EPM2A: variants seen among roughly 807,000 people sequenced by gnomAD.
EPM2A encodes the protein EPM2A glucan phosphatase, laforin.
In EPM2A, 21 loss-of-function variants were observed where a neutral mutation model predicts 26.5. The ratio of observed to expected loss-of-function variants is 0.79; its 90% CI spans 0.56 to 1.14. EPM2A has a LOEUF of 1.14. EPM2A is among the 50% of genes most tolerant of loss of function. EPM2A has a pLI of 0.00. For synonymous variants in EPM2A, 217 were observed against 177.6 expected (o/e 1.22, Z -1.76); for missense variants, 458 against 440.8 (o/e 1.04, Z -0.35).
chr6:145,677,641 G>A (rs1448059928), intron 2 of EPM2A, among the ~76,000 whole-genome samples: 1 of 151,936 alleles, frequency 6.6e-6, no homozygotes, highest in African/African-American at 2.4e-5. Flanking sequence ...ACGAATAATA[G>A]ACAAACAGCC....
At chr6:145,612,408 A>C (rs1192809212) in intron 2 of EPM2A, among the ~76,000 whole-genome samples, 1 of 152,174 alleles carries the variant, frequency 6.6e-6, no homozygotes, top group Non-Finnish European at 1.5e-5. Context: ...GGAAGAAGAA[A>C]ATAATTACTT....
At chr6:145,600,009 T>C (rs1781396453) in intron 2 of EPM2A, among the ~76,000 whole-genome samples, 1 of 152,142 alleles carries the variant, frequency 6.6e-6, no homozygotes, top group African/African-American at 2.4e-5. Context: ...TTTTCTAACA[T>C]GTCATTTCTG....
chr6:145,687,840 A>AT (rs1006469863), intron 1 of EPM2A, among the ~76,000 whole-genome samples: 2 of 151,786 alleles, frequency 1.3e-5, no homozygotes, highest in African/African-American at 4.8e-5. Flanking sequence ...CTCTTAATGG[A>AT]TTTTTTTTCT....
intron 4 of EPM2A, among the ~76,000 whole-genome samples, chr6:145,425,627 A>G (rs1011987410): frequency 6.9e-5 from 6 of 86,414 alleles, no homozygotes; most frequent in African/African-American, 2.5e-4. Flanking sequence ...ATATTTGAGA[A>G]TGGCAAAAAA....
intron 2 of EPM2A, among the ~76,000 whole-genome samples, chr6:145,584,138 G>T (rs1781154477): frequency 6.6e-6 from 1 of 152,208 alleles, no homozygotes; most frequent in African/African-American, 2.4e-5. Context: ...AAAGCAATGG[G>T]GGATGGCTGT....
rs563777945 is a variant in EPM2A, at chr6:145,452,489, C to CAAAAAAAAAA, written c.555+50023_555+50032dup. Among the ~76,000 whole-genome samples, 28 of 75,862 alleles carry CAAAAAAAAAA rather than the reference C, an allele frequency of 3.7e-4. 1 individual carries two copies. Among genetic ancestry groups the CAAAAAAAAAA allele is most frequent in the African/African-American group, 9.1e-4 (15 of 16,420 alleles). 49.8% of individuals were successfully genotyped at this position (75,862 alleles called of 152,430 possible). A position where few individuals can be genotyped will look rare whatever the true frequency, so the allele number is the denominator to read the frequency against. On this transcript the variant is annotated intron_variant, in intron 4 of 4. Coordinates refer to the EPM2A transcript ENST00000638717. ...TGAAACCCAGTCTCTACTAAAAATA[C>CAAAAAAAAAA]AAAAAAAAAAAAAAAAAAAAAAAAA...
chr6:145,491,871 T>A, intron 4 of EPM2A: 3 of 513,004 alleles, frequency 5.8e-6, no homozygotes, highest in South Asian at 4.4e-5. Context: ...TACCAACAAC[T>A]TCTATCTCCA....
intron 4 of EPM2A, among the ~76,000 whole-genome samples, chr6:145,459,231 T>C (rs1185122357): frequency 2.0e-5 from 3 of 152,000 alleles, no homozygotes; most frequent in Non-Finnish European, 4.4e-5. Flanking sequence ...TGATATCAAG[T>C]ATAGGGAGAT....
At chr6:145,399,766 A>G (rs529025459) in intron 4 of EPM2A, among the ~76,000 whole-genome samples, 8 of 152,332 alleles carry the variant, frequency 5.3e-5, no homozygotes, top group African/African-American at 1.7e-4. Flanking sequence ...GGTGAGGTAG[A>G]AACTCATATA....
intron 3 of EPM2A, chr6:145,502,498 G>A (rs1297817291): frequency 2.1e-6 from 1 of 469,192 alleles, no homozygotes; most frequent in African/African-American, 2.0e-5. Flanking sequence ...GCTGCTCACT[G>A]GGAGGAGGTG....
chr6:145,565,876 C>A (rs1780878015), intron 2 of EPM2A, among the ~76,000 whole-genome samples: 1 of 152,154 alleles, frequency 6.6e-6, no homozygotes, highest in Admixed American at 6.6e-5. Flanking sequence ...CCGTGGACCA[C>A]TGCTGCATAA....
At chr6:145,515,325 CTG>C (rs1234448247) in intron 2 of EPM2A, among the ~76,000 whole-genome samples, 1 of 152,170 alleles carries the variant, frequency 6.6e-6, no homozygotes, top group Admixed American at 6.5e-5. Context: ...CTTACTTGGT[CTG>C]TGTAAACCAA....
At chr6:145,454,222 A>C (rs1489427335) in intron 4 of EPM2A, among the ~76,000 whole-genome samples, 1 of 152,212 alleles carries the variant, frequency 6.6e-6, no homozygotes, top group East Asian at 1.9e-4. Context: ...CAAGTGCCGG[A>C]AGTGGTGGAA....
At chr6:145,492,186 T>A in intron 4 of EPM2A, 1 of 187,464 alleles carries the variant, frequency 5.3e-6, no homozygotes, top group South Asian at 1.0e-4. Flanking sequence ...AGTGTGGGTC[T>A]TGGGGCTAGC....
chr6:145,536,355 G>A (rs930924025), intron 2 of EPM2A, among the ~76,000 whole-genome samples: 2 of 151,920 alleles, frequency 1.3e-5, no homozygotes, highest in Non-Finnish European at 2.9e-5. Context: ...GAGTATAGGT[G>A]TGCAATCTTG....
At position 145,627,557 on chromosome 6, in the gene EPM2A, C is replaced by G. The variant is rs1009042264; in HGVS notation, c.855G>C (p.Met285Ile). The change falls in exon 4 of 4, where the codon ATG becomes ATC. Residue 285 changes from methionine (M) to isoleucine (I), a missense_variant. Physicochemically the swap from Met to Ile is conservative, Grantham distance 10 (BLOSUM62 1). Coordinates refer to ENST00000367519, the MANE Select transcript of EPM2A (RefSeq NM_005670.4). ...AAVCGWLQYVMGWNLRKVQYF... is the reference protein window; with the variant it reads ...AAVCGWLQYVIGWNLRKVQYF... ...ACTGCACCTTCCTCAGATTCCAGCC[C>G]ATCACATACTGGAGCCAGCCGCAGA... 5 of 1,614,266 alleles carry G rather than the reference C, an allele frequency of 3.1e-6. No homozygotes were observed. The highest frequency in any genetic ancestry group is 1.1e-5 in the South Asian group (1 of 91,092).
chr6:145,552,820 G>GC (rs1397810880), intron 2 of EPM2A, among the ~76,000 whole-genome samples: 4 of 152,064 alleles, frequency 2.6e-5, no homozygotes, highest in African/African-American at 9.7e-5. Flanking sequence ...TTCTAGTCCA[G>GC]CAAACATTTC....
chr6:145,477,614 G>A (rs1377694259), intron 4 of EPM2A, among the ~76,000 whole-genome samples: 1 of 151,824 alleles, frequency 6.6e-6, no homozygotes, highest in African/African-American at 2.4e-5. Context: ...TGGGATGCAA[G>A]CATAGTTTAA....
chr6:145,423,265 C>A (rs1185226361), intron 4 of EPM2A, among the ~76,000 whole-genome samples: 1 of 152,138 alleles, frequency 6.6e-6, no homozygotes, highest in African/African-American at 2.4e-5. Flanking sequence ...GCATGTTTTA[C>A]AGAGGAGGCA....
Sources: allele counts gnomAD v4.1 joint callset (sites outside exome capture counted in the v4.1 genomes callset), GRCh38; gene constraint gnomAD v4.1.1; transcripts MANE v1.5; gene names NCBI Gene and HGNC (gene_info 2026-07-23, HGNC 2026-07-21).